MTCL1: variants seen among roughly 807,000 people sequenced by gnomAD.
The protein encoded by MTCL1 is microtubule cross-linking factor 1.
Under a neutral mutation model 141.4 loss-of-function variants are expected in MTCL1, and 79 were observed. That is an observed-to-expected ratio of 0.56 (90% CI 0.47 to 0.67). The LOEUF is 0.67. Among genes scored for constraint, MTCL1 ranks in the 30% least tolerant of loss-of-function variants. The pLI, the probability that MTCL1 is intolerant of heterozygous loss-of-function variation, is 0.00. For synonymous variants in MTCL1, 914 were observed against 875.8 expected (o/e 1.04, Z -0.77); for missense variants, 2,177 against 2,113.9 (o/e 1.03, Z -0.59).
At chr18:8,746,090 G>A (rs566169956) in intron 4 of MTCL1, among the ~76,000 whole-genome samples, 1 of 152,168 alleles carries the variant, frequency 6.6e-6, no homozygotes, top group African/African-American at 2.4e-5. Flanking sequence ...CCCTTTTAAG[G>A]CTAAATAATA....
chr18:8,741,854 C>T (rs1002978970), intron 4 of MTCL1, among the ~76,000 whole-genome samples: 6 of 152,250 alleles, frequency 3.9e-5, no homozygotes, highest in East Asian at 1.9e-4. Flanking sequence ...GGCCTGTGTT[C>T]GCTTGACTTA....
intron 4 of MTCL1, among the ~76,000 whole-genome samples, chr18:8,756,271 T>G (rs967042821): frequency 2.0e-5 from 3 of 151,866 alleles, no homozygotes; most frequent in Non-Finnish European, 4.4e-5. Context: ...TACAGAACAG[T>G]GTGAGATTTC....
chr18:8,726,311 TAAAC>T (rs2096211490), intron 4 of MTCL1, among the ~76,000 whole-genome samples: 3 of 110,360 alleles, frequency 2.7e-5, no homozygotes, highest in African/African-American at 7.4e-5. Flanking sequence ...TTTTTTGTCT[TAAAC>T]AACAGACATT....
intron 4 of MTCL1, among the ~76,000 whole-genome samples, chr18:8,735,606 C>A (rs1202186478): frequency 3.9e-5 from 6 of 152,142 alleles, no homozygotes; most frequent in African/African-American, 1.4e-4. Flanking sequence ...GGCAGGCTTA[C>A]TCTGTGCATT....
chr18:8,782,661 C>G (rs1598630738), intron 5 of MTCL1: 1 of 152,312 alleles, frequency 6.6e-6, no homozygotes, highest in East Asian at 1.9e-4. Flanking sequence ...TACCTCCTTG[C>G]CTTGGGTCTC....
intron 4 of MTCL1, among the ~76,000 whole-genome samples, chr18:8,726,471 A>AGG (rs1177583586): frequency 1.8e-4 from 19 of 105,720 alleles, no homozygotes; most frequent in Admixed American, 1.8e-3. Context: ...TGAGAATAAG[A>AGG]GGAGAGAGAG....
intron 6 of MTCL1, among the ~76,000 whole-genome samples, chr18:8,785,232 T>C (rs1351254465): frequency 6.6e-6 from 1 of 152,128 alleles, no homozygotes; most frequent in Non-Finnish European, 1.5e-5. Context: ...GTGAGGAGGC[T>C]AAGACAAACG....
exon 6 of MTCL1, chr18:8,784,689 T>C (rs2096544851): frequency 1.2e-6 from 2 of 1,614,110 alleles, no homozygotes; most frequent in South Asian, 1.1e-5. Context: ...AAGAAAGAGC[T>C]GCAGGCCTTC....
Position 8,710,148 on chromosome 18 carries a change from A to ATT in MTCL1, c.1053+3441_1053+3442dup, listed in dbSNP as rs557752473. Among the ~76,000 whole-genome samples, 40 of 152,142 alleles carry ATT rather than the reference A, an allele frequency of 2.6e-4. 1 individual carries two copies. The highest frequency in any genetic ancestry group is 9.4e-4 in the African/African-American group (39 of 41,406). ...AGCCACCGCGCCCGGCCTGGCCTGT[A>ATT]TTTTTTTAAATAGTCAGTGTCAACA... On this transcript the variant is annotated intron_variant, in intron 1 of 13. Transcript: ENST00000306329.
chr18:8,747,295 C>T (rs536386674), intron 4 of MTCL1, among the ~76,000 whole-genome samples: 44 of 152,318 alleles, frequency 2.9e-4, no homozygotes, highest in African/African-American at 1.0e-3. Context: ...GCAGGGCATG[C>T]TATCTGGAAA....
At chr18:8,784,288 CAAG>C (rs1381982419) in exon 6 of MTCL1, 4 of 1,586,976 alleles carry the variant, frequency 2.5e-6, no homozygotes, top group Non-Finnish European at 2.6e-6. Flanking sequence ...GTGATGCGGG[CAAG>C]AAGGAGAGTG....
At chr18:8,707,975 G>A (rs1199242843) in intron 1 of MTCL1, among the ~76,000 whole-genome samples, 1 of 152,208 alleles carries the variant, frequency 6.6e-6, no homozygotes, top group Admixed American at 6.5e-5. Context: ...GAGAAAGAGA[G>A]GTGATAAAAG....
chr18:8,768,835 AGGCTG>A (rs1202927440), intron 4 of MTCL1, among the ~76,000 whole-genome samples: 1 of 126,062 alleles, frequency 7.9e-6, no homozygotes, highest in African/African-American at 3.2e-5. Flanking sequence ...TCTGTCACCC[AGGCTG>A]GAGTGCAGTG....
At chr18:8,764,176 G>A (rs1679244382) in intron 4 of MTCL1, among the ~76,000 whole-genome samples, 2 of 152,016 alleles carry the variant, frequency 1.3e-5, no homozygotes, top group Admixed American at 1.3e-4. Flanking sequence ...AAAAAGGAGG[G>A]GGTGATTAGG....
chr18:8,820,205 C>A (rs1011276011), intron 13 of MTCL1, among the ~76,000 whole-genome samples: 1 of 152,012 alleles, frequency 6.6e-6, no homozygotes, highest in Non-Finnish European at 1.5e-5. Flanking sequence ...GTCAGGAGAT[C>A]GAGACCATCC....
chr18:8,732,517 G>C (rs1402351747), intron 4 of MTCL1, among the ~76,000 whole-genome samples: 4 of 152,176 alleles, frequency 2.6e-5, no homozygotes, highest in African/African-American at 9.7e-5. Context: ...CTGTTTCTTG[G>C]TGTTGCTCAG....
At chr18:8,831,204 G>T in intron 16 of MTCL1, 1 of 1,012,106 alleles carries the variant, frequency 9.9e-7, no homozygotes, top group South Asian at 4.2e-5. Context: ...CAGTTCACTT[G>T]TCCACTGTAG....
chr18:8,804,144 T>C (rs1400665830), intron 10 of MTCL1, among the ~76,000 whole-genome samples: 4 of 152,190 alleles, frequency 2.6e-5, no homozygotes, highest in Non-Finnish European at 4.4e-5. Context: ...CAAACAAATC[T>C]ACCACAAAAT....
chr18:8,785,315 A>G lies in MTCL1; in HGVS notation c.1731+472A>G, dbSNP rs78093605. Among the ~76,000 whole-genome samples the G allele has an allele frequency of 9.9e-3, 1,509 of 152,286 alleles. 21 individuals carry two copies. The highest frequency in any genetic ancestry group is 0.035 in the African/African-American group (1,450 of 41,564). ...TTCCTGGGTGTGTTTCAAGGGACAC[A>G]GTGCAGTCCAAGGCCCTAGGCAGCC... On this transcript the variant is annotated intron_variant, in intron 6 of 16. Coordinates refer to ENST00000359865, the Ensembl canonical transcript of MTCL1.
Sources: gnomAD v4.1 joint callset for allele counts (sites outside exome capture counted in the v4.1 genomes callset) on GRCh38, gnomAD v4.1.1 for gene constraint, MANE v1.5 for transcripts, NCBI Gene and HGNC (gene_info 2026-07-23, HGNC 2026-07-21) for gene names.